The following MACROD2 variants were observed in gnomAD, a reference collection of about 807,000 sequenced individuals.
MACROD2 encodes the protein ADP-ribose glycohydrolase MACROD2.
MACROD2 carries 36 observed loss-of-function variants against 70.4 expected under a neutral mutation model. The observed-to-expected ratio is 0.51, with a 90% CI of 0.39 to 0.68. The LOEUF is 0.68. Ranked by LOEUF, MACROD2 falls within the 30% of genes least tolerant of loss-of-function variation. The pLI is 0.00. For missense variants in MACROD2, 496 were observed against 538.4 expected, an observed-to-expected ratio of 0.92 and a Z score of 0.78; for synonymous variants, 172 against 178.8, an observed-to-expected ratio of 0.96 and a Z score of 0.30.
At chr20:14,478,646 C>T (rs943915505) in intron 3 of MACROD2, among the ~76,000 whole-genome samples, 3 of 152,058 alleles carry the variant, frequency 2.0e-5, no homozygotes, top group African/African-American at 7.2e-5. Flanking sequence ...GGCCTACTCT[C>T]TTTCTCAACT....
intron 3 of MACROD2, among the ~76,000 whole-genome samples, chr20:14,355,138 T>C (rs572027405): frequency 6.6e-6 from 1 of 152,314 alleles, no homozygotes; most frequent in East Asian, 1.9e-4. Context: ...TACCCAGCAA[T>C]GGGATTGCAG....
intron 8 of MACROD2, among the ~76,000 whole-genome samples, chr20:15,620,809 G>A (rs1342782241): frequency 6.6e-6 from 1 of 152,020 alleles, no homozygotes; most frequent in Non-Finnish European, 1.5e-5. Context: ...TTACATCATT[G>A]CCGGTTAGAT....
At chr20:14,942,493 T>G (rs1175701897) in intron 5 of MACROD2, among the ~76,000 whole-genome samples, 1 of 152,102 alleles carries the variant, frequency 6.6e-6, no homozygotes. Flanking sequence ...CTCCACGGTG[T>G]ATCACCTTAA....
At chr20:15,121,638 C>T (rs1241508853) in intron 5 of MACROD2, among the ~76,000 whole-genome samples, 7 of 151,970 alleles carry the variant, frequency 4.6e-5, no homozygotes, top group African/African-American at 9.7e-5. Flanking sequence ...TTAGGTGTTT[C>T]GCATCTATTA....
intron 3 of MACROD2, among the ~76,000 whole-genome samples, chr20:14,453,380 T>A (rs1227578932): frequency 1.3e-5 from 2 of 152,144 alleles, no homozygotes; most frequent in African/African-American, 2.4e-5. Flanking sequence ...TCAGACTGTT[T>A]GGCTGTGTTG....
chr20:14,585,713 A>G (rs1012721786), intron 4 of MACROD2, among the ~76,000 whole-genome samples: 2 of 152,148 alleles, frequency 1.3e-5, no homozygotes, highest in African/African-American at 4.8e-5. Flanking sequence ...TATACCAAAG[A>G]TGGAATCATT....
intron 8 of MACROD2, among the ~76,000 whole-genome samples, chr20:15,725,205 T>C (rs1439471941): frequency 6.6e-6 from 1 of 152,242 alleles, no homozygotes; most frequent in Admixed American, 6.5e-5. Flanking sequence ...TTGACAATAT[T>C]GAGTTTTTCT....
At chr20:14,718,855 C>G (rs2071428926) in intron 5 of MACROD2, among the ~76,000 whole-genome samples, 1 of 152,118 alleles carries the variant, frequency 6.6e-6, no homozygotes, top group South Asian at 2.1e-4. Flanking sequence ...TTCATTGTTC[C>G]TGTGTTTATT....
intron 5 of MACROD2, among the ~76,000 whole-genome samples, chr20:14,926,163 AGTTTGTTTGTTT>A (rs56297753): frequency 5.3e-5 from 8 of 151,698 alleles, no homozygotes; most frequent in African/African-American, 1.9e-4. Flanking sequence ...CTAAATGCAG[AGTTTGTTTGTTT>A]GTTTGTTTGT....
chr20:15,870,594 C>T (rs1237908600), intron 9 of MACROD2, among the ~76,000 whole-genome samples: 1 of 152,076 alleles, frequency 6.6e-6, no homozygotes, highest in Non-Finnish European at 1.5e-5. Flanking sequence ...TTGCCCTTTG[C>T]CTTCCACTTT....
chr20:15,557,518 T>G (rs2048183687), intron 8 of MACROD2, among the ~76,000 whole-genome samples: 1 of 152,158 alleles, frequency 6.6e-6, no homozygotes, highest in African/African-American at 2.4e-5. Context: ...ACACACAGAT[T>G]TAGCAAGCTT....
chr20:15,300,000 C>T (rs1006288245), intron 6 of MACROD2, among the ~76,000 whole-genome samples: 1 of 152,052 alleles, frequency 6.6e-6, no homozygotes, highest in Non-Finnish European at 1.5e-5. Context: ...TGTTATGGCC[C>T]CTTCTTGCTT....
At chr20:14,847,399 A>AT (rs1389291418) in intron 5 of MACROD2, among the ~76,000 whole-genome samples, 1 of 151,992 alleles carries the variant, frequency 6.6e-6, no homozygotes, top group Non-Finnish European at 1.5e-5. Context: ...CAGGTGTGGA[A>AT]TTAAGGTAAA....
intron 2 of MACROD2, among the ~76,000 whole-genome samples, chr20:14,025,133 C>A (rs974990476): frequency 6.6e-6 from 1 of 152,168 alleles, no homozygotes; most frequent in Non-Finnish European, 1.5e-5. Flanking sequence ...TCCATTTCTT[C>A]TAGATTTTCT....
chr20:14,435,109 A>G (rs544456157), intron 3 of MACROD2, among the ~76,000 whole-genome samples: 2 of 152,298 alleles, frequency 1.3e-5, no homozygotes, highest in South Asian at 4.1e-4. Context: ...GAAGGTATTC[A>G]GGGCCACACT....
At chr20:15,926,824 A>G (rs1343088146) in intron 10 of MACROD2, among the ~76,000 whole-genome samples, 2 of 152,190 alleles carry the variant, frequency 1.3e-5, no homozygotes, top group Non-Finnish European at 2.9e-5. Flanking sequence ...CAGAGAAACA[A>G]CGAGGGTCTC....
chr20:15,714,702 C>T (rs890734076), intron 8 of MACROD2, among the ~76,000 whole-genome samples: 4 of 152,042 alleles, frequency 2.6e-5, no homozygotes, highest in Non-Finnish European at 4.4e-5. Flanking sequence ...GTGCCATATA[C>T]TTTTTAAAAA....
Position 15,560,712 on chromosome 20 carries a change from T to C in MACROD2, c.645+60865T>C, listed in dbSNP as rs144418248. Among the ~76,000 whole-genome samples, 729 of 124,834 alleles carry C rather than the reference T, an allele frequency of 5.8e-3. 7 individuals carry two copies. The highest frequency in any genetic ancestry group is 0.022 in the African/African-American group (702 of 31,544). The allele number at this position is 124,834 out of a possible 152,430, so 81.9% of individuals were successfully genotyped here. ...TGGAAGGCAGAGGTTGCAGCAGGAC[T>C]AGATTGCACCACTGCACTCCAGCCT... On this transcript the variant is annotated intron_variant, in intron 8 of 17. Coordinates refer to ENST00000684519, the MANE Select transcript of MACROD2 (RefSeq NM_001351661.2).
chr20:15,279,046 C>A (rs2077419311), intron 6 of MACROD2, among the ~76,000 whole-genome samples: 1 of 152,086 alleles, frequency 6.6e-6, no homozygotes. Context: ...AGTTCTGTTT[C>A]TTCAATGATA....
Sources: allele counts gnomAD v4.1 joint callset (sites outside exome capture counted in the v4.1 genomes callset), GRCh38; gene constraint gnomAD v4.1.1; transcripts MANE v1.5; gene names NCBI Gene and HGNC (gene_info 2026-07-23, HGNC 2026-07-21).